The following TEX26 variants were observed in gnomAD, a reference collection of about 807,000 sequenced individuals.
TEX26 encodes testis-expressed protein 26.
Under a neutral mutation model 35.3 loss-of-function variants are expected in TEX26, and 34 were observed. That is an observed-to-expected ratio of 0.96 (90% CI 0.73 to 1.28). TEX26 has a LOEUF of 1.28. Among genes scored for constraint, TEX26 ranks in the 50% most tolerant of loss-of-function variants. The pLI is 0.00. For synonymous variants in TEX26, 136 were observed against 111.8 expected (o/e 1.22, Z -1.36); for missense variants, 371 against 330.1 (o/e 1.12, Z -0.96).
At chr13:30,963,879 T>C (rs1172769154) in intron 4 of TEX26, among the ~76,000 whole-genome samples, 1 of 152,188 alleles carries the variant, frequency 6.6e-6, no homozygotes, top group Non-Finnish European at 1.5e-5. Flanking sequence ...GGTCTTCATC[T>C]CCAATGATTC....
At chr13:30,959,265 G>A (rs542971997) in intron 4 of TEX26, among the ~76,000 whole-genome samples, 14 of 152,094 alleles carry the variant, frequency 9.2e-5, no homozygotes, top group East Asian at 7.7e-4. Flanking sequence ...GACCTACCCC[G>A]CCCCATCCCT....
intron 6 of TEX26, among the ~76,000 whole-genome samples, chr13:30,969,861 TA>T (rs57288509): frequency 0.11 from 16,791 of 152,090 alleles, 3,084 homozygotes; most frequent in African/African-American, 0.38. Flanking sequence ...AATAAAAGTC[TA>T]ATATTTATTC....
intron 4 of TEX26, among the ~76,000 whole-genome samples, chr13:30,958,793 G>A (rs909042617): frequency 2.0e-5 from 3 of 152,074 alleles, no homozygotes; most frequent in Non-Finnish European, 4.4e-5. Flanking sequence ...AGTATATCCC[G>A]TCTAGCATGT....
intron 1 of TEX26, among the ~76,000 whole-genome samples, chr13:30,937,952 C>T (rs564519866): frequency 6.6e-6 from 1 of 152,244 alleles, no homozygotes; most frequent in South Asian, 2.1e-4. Context: ...TTGGCCAGAG[C>T]TCCCTATGCT....
intron 3 of TEX26, among the ~76,000 whole-genome samples, chr13:30,955,116 G>GAAT (rs997997470): frequency 1.7e-4 from 26 of 152,192 alleles, no homozygotes; most frequent in African/African-American, 5.5e-4. Context: ...CACAGTGGAA[G>GAAT]AAGAATTGCT....
chr13:30,968,782 A>G, intron 5 of TEX26, 103 bp from the exon 6 acceptor site: 2 of 1,099,382 alleles, frequency 1.8e-6, no homozygotes, highest in Non-Finnish European at 2.6e-6. Flanking sequence ...CTAAGCTCAA[A>G]GCTGGGCTGG....
intron 2 of TEX26, among the ~76,000 whole-genome samples, chr13:30,949,469 A>G (rs1006811403): frequency 1.3e-5 from 2 of 152,096 alleles, no homozygotes; most frequent in East Asian, 1.9e-4. Flanking sequence ...TATACTTTCA[A>G]TCCAAATAAA....
chr13:30,932,668 CG>C lies in TEX26; in HGVS notation c.-47del, dbSNP rs1953111701. 1 of 1,597,362 alleles carries C rather than the reference CG, an allele frequency of 6.3e-7. No homozygotes were observed. ...CAAAGCAGCCCGCGGCTCCCGCAAGCGCTGAGATAGCTGGAGCCAGGGCCCC... is the reference window on the plus strand; with the variant it reads ...CAAAGCAGCCCGCGGCTCCCGCAAGCCTGAGATAGCTGGAGCCAGGGCCCC... On this transcript the variant is annotated 5_prime_UTR_variant, in exon 1 of 7. Coordinates refer to ENST00000380473, the MANE Select transcript of TEX26 (RefSeq NM_152325.3).
At chr13:30,974,131 A>AATATATATATATATATATATATATAT (rs1555271791) in intron 6 of TEX26, among the ~76,000 whole-genome samples, 2 of 84,428 alleles carry the variant, frequency 2.4e-5, no homozygotes, top group Admixed American at 1.6e-4. Flanking sequence ...AAAAAAAAAA[A>AATATATATATATATATATATATATAT]ATATATATAT....
intron 5 of TEX26, among the ~76,000 whole-genome samples, chr13:30,966,790 C>G (rs1412818902): frequency 6.6e-6 from 1 of 152,134 alleles, no homozygotes; most frequent in Non-Finnish European, 1.5e-5. Flanking sequence ...CCCCTGGCTC[C>G]AAAACTTCTC....
intron 2 of TEX26, among the ~76,000 whole-genome samples, chr13:30,950,781 G>A (rs1026526455): frequency 4.6e-5 from 7 of 152,178 alleles, no homozygotes; most frequent in African/African-American, 1.7e-4. Flanking sequence ...GTGGAACTTG[G>A]ATTACAAGGA....
chr13:30,971,372 T>G (rs993179212), intron 6 of TEX26, among the ~76,000 whole-genome samples: 4 of 152,178 alleles, frequency 2.6e-5, no homozygotes, highest in African/African-American at 4.8e-5. Context: ...TTATCTCTCA[T>G]AGGTTGTAGT....
chr13:30,969,173 A>AC lies in TEX26; in HGVS notation c.808+127_808+128insC, dbSNP rs1247153925. The AC allele has an allele frequency of 1.0e-5, 9 of 891,062 alleles. No homozygotes were observed. The East Asian group carries it at 2.1e-4, about 21-fold the overall frequency. The allele number at this position is 891,062 out of a possible 1,614,324, so 55.2% of individuals were successfully genotyped here. ...AAAATGAAAACATTGCCTCAAAAAA[A>AC]AAAAAAACTCATAGTGTTGTGCAAA... On this transcript the variant is annotated intron_variant, in intron 6 of 6. Coordinates refer to ENST00000380473, the MANE Select transcript of TEX26 (RefSeq NM_152325.3).
intron 4 of TEX26, 152 bp from the exon 5 acceptor site, chr13:30,966,070 A>T: frequency 1.3e-6 from 1 of 747,630 alleles, no homozygotes; most frequent in Non-Finnish European, 2.2e-6. Context: ...ATTTGAGTAT[A>T]TACTTCCTGT....
rs1399587162 is a variant in TEX26, at chr13:30,968,768, C to A, written c.647-117C>A. 3.3e-6 allele frequency: 3 copies of A among 899,570 alleles called. No individual in the cohort carries two copies. In the East Asian group the frequency reaches 7.3e-5, roughly 22 times the overall value. 55.7% of individuals were successfully genotyped at this position (899,570 alleles called of 1,614,324 possible). ...TTAATGTCCAGCATCATGAAGGATG[C>A]TGCCTAAGCTCAAAGCTGGGCTGGG... On this transcript the variant is annotated intron_variant, in intron 5 of 6. Coordinates refer to ENST00000380473, the MANE Select transcript of TEX26 (RefSeq NM_152325.3).
rs558347712 is a variant in TEX26, at chr13:30,962,374, G to A, written c.470-3848G>A. On this transcript the variant is annotated intron_variant, in intron 4 of 6. Coordinates refer to ENST00000380473, the MANE Select transcript of TEX26 (RefSeq NM_152325.3). ...CCAGCCGTCCCGACTAACAGCCTCC[G>A]CATACCTCCATGCCTCGTGGCCTTG... Among the ~76,000 whole-genome samples the A allele has an allele frequency of 1.3e-4, 20 of 152,242 alleles. No individual in the cohort carries two copies. In the South Asian group the frequency reaches 3.7e-3, roughly 28 times the overall value.
chr13:30,957,890 A>G (rs1350248675), intron 4 of TEX26, among the ~76,000 whole-genome samples: 1 of 152,240 alleles, frequency 6.6e-6, no homozygotes, highest in Non-Finnish European at 1.5e-5. Context: ...ATACGGGAGT[A>G]ATAGGAGTCT....
At chr13:30,939,046 A>G (rs1953378728) in intron 1 of TEX26, among the ~76,000 whole-genome samples, 1 of 152,260 alleles carries the variant, frequency 6.6e-6, no homozygotes, top group African/African-American at 2.4e-5. Flanking sequence ...ACACACTGTT[A>G]GTGACAGATA....
At chr13:30,947,869 C>T (rs953562503) in intron 2 of TEX26, among the ~76,000 whole-genome samples, 14 of 152,024 alleles carry the variant, frequency 9.2e-5, no homozygotes, top group African/African-American at 3.1e-4. Flanking sequence ...AGGTATATCT[C>T]GTAATGCTAT....
Sources: allele counts gnomAD v4.1 joint callset (sites outside exome capture counted in the v4.1 genomes callset), GRCh38; gene constraint gnomAD v4.1.1; transcripts MANE v1.5; gene names NCBI Gene and HGNC (gene_info 2026-07-23, HGNC 2026-07-21).